The following SLC25A24 variants were observed in gnomAD, a reference collection of about 807,000 sequenced individuals.
SLC25A24 encodes solute carrier family 25 member 24, also known as mitochondrial adenyl nucleotide antiporter SLC25A24.
Under a neutral mutation model 60.7 loss-of-function variants are expected in SLC25A24, and 49 were observed. The ratio of observed to expected loss-of-function variants is 0.81; its 90% CI spans 0.64 to 1.02. The LOEUF is 1.02. Among genes scored for constraint, SLC25A24 ranks in the 50% least tolerant of loss-of-function variants. SLC25A24 has a pLI of 0.00. For missense variants in SLC25A24, 564 were observed against 586.3 expected, an observed-to-expected ratio of 0.96 and a Z score of 0.39; for synonymous variants, 202 against 200.6, an observed-to-expected ratio of 1.01 and a Z score of -0.06.
At chr1:108,197,144 A>C (rs1404454690) in intron 1 of SLC25A24, among the ~76,000 whole-genome samples, 1 of 152,122 alleles carries the variant, frequency 6.6e-6, no homozygotes, top group Non-Finnish European at 1.5e-5. Flanking sequence ...TTGGTTCTTA[A>C]TTTTGTCTCA....
chr1:108,188,249 G>A (rs901162988), intron 1 of SLC25A24, among the ~76,000 whole-genome samples: 1 of 151,924 alleles, frequency 6.6e-6, no homozygotes, highest in African/African-American at 2.4e-5. Context: ...ATGGACAAGG[G>A]TTGAAAAATT....
At position 108,136,701 on chromosome 1, in the gene SLC25A24, A is replaced by G. The variant is rs781617889; in HGVS notation, c.1386T>C (p.Tyr462=). The change falls in exon 10 of 10, where the codon TAT becomes TAC. Residue 462 remains tyrosine (Y), a synonymous_variant. Coordinates refer to ENST00000565488, the MANE Select transcript of SLC25A24 (RefSeq NM_013386.5). ...MKVLPAVGIS[Y]VVYENMKQTL... ...TTTGCTTCATATTTTCATAAACCAC[A>G]TAACTGATGCCTACAGCAGGGAGCA... 11 of 1,614,186 alleles carry G rather than the reference A, an allele frequency of 6.8e-6. No individual in the cohort carries two copies. The highest frequency in any genetic ancestry group is 9.3e-6 in the Non-Finnish European group (11 of 1,179,990).
intron 1 of SLC25A24, among the ~76,000 whole-genome samples, chr1:108,189,164 G>C (rs140293629): frequency 3.3e-5 from 5 of 152,196 alleles, no homozygotes; most frequent in African/African-American, 9.6e-5. Flanking sequence ...CCCTATTTTT[G>C]AACAGTTTTT....
chr1:108,179,398 G>A (rs910836989), intron 3 of SLC25A24, among the ~76,000 whole-genome samples: 10 of 152,096 alleles, frequency 6.6e-5, no homozygotes, highest in African/African-American at 2.2e-4. Context: ...ATGTATGTGT[G>A]TGTATACATA....
chr1:108,165,233 T>C (rs1409241469), intron 3 of SLC25A24, among the ~76,000 whole-genome samples: 1 of 152,200 alleles, frequency 6.6e-6, no homozygotes, highest in African/African-American at 2.4e-5. Context: ...AATTTTGGAA[T>C]AGCCGTGGTG....
At chr1:108,168,572 A>G (rs1038099631) in intron 3 of SLC25A24, among the ~76,000 whole-genome samples, 2 of 152,234 alleles carry the variant, frequency 1.3e-5, no homozygotes, top group African/African-American at 4.8e-5. Flanking sequence ...TGCTGTGGGT[A>G]TAACTTGCAT....
At chr1:108,145,578 ATT>A (rs148182295) in intron 7 of SLC25A24, among the ~76,000 whole-genome samples, 9 of 150,634 alleles carry the variant, frequency 6.0e-5, no homozygotes, top group Non-Finnish European at 1.2e-4. Context: ...TCTTGAGTTA[ATT>A]TTTTTTTTAT....
At chr1:108,172,673 C>T (rs972840813) in intron 3 of SLC25A24, among the ~76,000 whole-genome samples, 2 of 152,160 alleles carry the variant, frequency 1.3e-5, no homozygotes, top group Non-Finnish European at 2.9e-5. Context: ...TTGGAGGGGA[C>T]AAATATCCAA....
intron 1 of SLC25A24, 80 bp from the exon 2 acceptor site, chr1:108,186,034 T>C (rs1228751482): frequency 1.7e-6 from 2 of 1,145,956 alleles, no homozygotes; most frequent in African/African-American, 3.2e-5. Context: ...TTCAAGCAGA[T>C]TAGCTGTTTT....
chr1:108,181,859 T>G, intron 3 of SLC25A24, 82 bp downstream of exon 3: 1 of 1,030,330 alleles, frequency 9.7e-7, no homozygotes, highest in South Asian at 1.4e-5. Context: ...GGGAGGTGTT[T>G]TAAAGCCACA....
At position 108,200,102 on chromosome 1, in the gene SLC25A24, C is replaced by CG; in HGVS notation, c.36dup (p.Ala13ArgfsTer66). The CG allele has an allele frequency of 6.4e-7, 1 of 1,570,884 alleles. No homozygotes were observed. Among genetic ancestry groups the CG allele is most frequent in the Non-Finnish European group, 8.6e-7 (1 of 1,158,918 alleles). On this transcript the variant is annotated frameshift_variant, in exon 1 of 10. Coordinates refer to ENST00000565488, the MANE Select transcript of SLC25A24 (RefSeq NM_013386.5). LOFTEE classifies it high-confidence loss of function. Reference sequence around the variant, plus strand: ...GGCTGCTCCGCGTCCTGGCAGGCCGCGGTGGGCAGCACGAAGTCCCGCAGC... The same window carrying CG: ...GGCTGCTCCGCGTCCTGGCAGGCCGCGGGTGGGCAGCACGAAGTCCCGCAGC...
At chr1:108,153,740 G>A (rs748094021) in intron 6 of SLC25A24, among the ~76,000 whole-genome samples, 1 of 152,188 alleles carries the variant, frequency 6.6e-6, no homozygotes, top group Non-Finnish European at 1.5e-5. Context: ...AGGAGCTTGG[G>A]TGGACAGAAG....
At chr1:108,144,869 T>C (rs1679543842) in intron 7 of SLC25A24, among the ~76,000 whole-genome samples, 1 of 152,370 alleles carries the variant, frequency 6.6e-6, no homozygotes, top group Middle Eastern at 3.4e-3. Context: ...TTTGCTATTG[T>C]GAACAGTGCT....
At chr1:108,167,738 C>T (rs1647255178) in intron 3 of SLC25A24, among the ~76,000 whole-genome samples, 1 of 152,128 alleles carries the variant, frequency 6.6e-6, no homozygotes, top group Non-Finnish European at 1.5e-5. Context: ...GGAAATGCAG[C>T]AATCATGCGT....
At chr1:108,179,350 T>G (rs1647829458) in intron 3 of SLC25A24, among the ~76,000 whole-genome samples, 1 of 152,100 alleles carries the variant, frequency 6.6e-6, no homozygotes, top group African/African-American at 2.4e-5. Flanking sequence ...AAAAATTAAA[T>G]ATAGAACTAC....
chr1:108,184,006 C>A (rs993082501), intron 2 of SLC25A24, among the ~76,000 whole-genome samples: 4 of 152,046 alleles, frequency 2.6e-5, no homozygotes, highest in Non-Finnish European at 5.9e-5. Flanking sequence ...TAATGAGGAT[C>A]AACTGTATAT....
chr1:108,136,252 CA>C lies in SLC25A24; in HGVS notation c.*400del, dbSNP rs1435617090. ...ATTTAAAGAAATCTATAAAGACATT[CA>C]AAATATATAAAACAAGAAATTTAAA... On this transcript the variant is annotated 3_prime_UTR_variant, in exon 10 of 10. Coordinates refer to ENST00000565488, the MANE Select transcript of SLC25A24 (RefSeq NM_013386.5). 2 of 153,786 alleles carry C rather than the reference CA, an allele frequency of 1.3e-5. No homozygotes were observed. The highest frequency in any genetic ancestry group is 4.8e-5 in the African/African-American group (2 of 41,410). The allele number at this position is 153,786 out of a possible 1,614,324, so 9.5% of individuals were successfully genotyped here.
intron 3 of SLC25A24, among the ~76,000 whole-genome samples, chr1:108,177,708 A>G (rs944767463): frequency 2.0e-4 from 30 of 152,240 alleles, no homozygotes; most frequent in African/African-American, 6.8e-4. Context: ...CAATAAGAGG[A>G]TATAATAGTA....
intron 3 of SLC25A24, among the ~76,000 whole-genome samples, chr1:108,165,284 A>C (rs1371049815): frequency 6.6e-6 from 1 of 152,166 alleles, no homozygotes; most frequent in Non-Finnish European, 1.5e-5. Context: ...TTTGGGGTGC[A>C]GAGTTCTGTA....
Sources: allele counts gnomAD v4.1 joint callset (sites outside exome capture counted in the v4.1 genomes callset), GRCh38; gene constraint gnomAD v4.1.1; transcripts MANE v1.5; gene names NCBI Gene and HGNC (gene_info 2026-07-23, HGNC 2026-07-21).